CACNA1E: variants seen among roughly 807,000 people sequenced by gnomAD.
The protein encoded by CACNA1E is calcium voltage-gated channel subunit alpha1 E, also known as voltage-dependent R-type calcium channel subunit alpha-1E.
CACNA1E carries 40 observed loss-of-function variants against 259.2 expected under a neutral mutation model. The observed-to-expected ratio is 0.15, with a 90% CI of 0.12 to 0.20. The LOEUF (loss-of-function observed/expected upper bound fraction) is 0.20. Among genes scored for constraint, CACNA1E ranks in the 10% least tolerant of loss-of-function variants. The pLI is 1.00. For synonymous variants in CACNA1E, 1,104 were observed against 1,138.5 expected, an observed-to-expected ratio of 0.97 and a Z score of 0.61; for missense variants, 1,874 against 3,040.1, an observed-to-expected ratio of 0.62 and a Z score of 9.02.
chr1:181,680,105 C>CAAAAA (rs56198008), intron 7 of CACNA1E, among the ~76,000 whole-genome samples: 1 of 78,504 alleles, frequency 1.3e-5, no homozygotes, highest in Non-Finnish European at 2.4e-5. Context: ...GACCTTGTCT[C>CAAAAA]AAAAAAAAAA....
At position 181,651,439 on chromosome 1, in the gene CACNA1E, C is replaced by T. The variant is rs201080304; in HGVS notation, c.1053C>T (p.Ser351=). 6.9e-4 allele frequency: 1,111 copies of T among 1,607,184 alleles called. 4 individuals are homozygous for T. The highest frequency in any genetic ancestry group is 4.8e-3 in the East Asian group (215 of 44,810). The change falls in exon 7 of 48, where the codon TCC becomes TCT. Residue 351 remains serine (S), a splice_region_variant and synonymous_variant. Transcript: ENST00000367573. ...FVLNLVLGVL[S]GEFAKERERV... is the part of the protein sequence containing the mutation. ...TCAACCTAGTCCTGGGAGTGCTTTC[C>T]GGGTGAGCCAGATGTTTCTCTCTTC...
intron 2 of CACNA1E, among the ~76,000 whole-genome samples, chr1:181,473,090 T>C (rs1293533478): frequency 6.6e-6 from 1 of 152,210 alleles, no homozygotes; most frequent in African/African-American, 2.4e-5. Context: ...GTAGGAACAG[T>C]GCTACCCTTT....
intron 20 of CACNA1E, 118 bp from the exon 21 acceptor site, chr1:181,733,319 G>C (rs1042027759): frequency 4.7e-5 from 43 of 913,982 alleles, no homozygotes; most frequent in Non-Finnish European, 6.6e-5. Flanking sequence ...GTGGAAGGCA[G>C]TGGTGGCCTT....
At chr1:181,495,682 C>T (rs1293086754) in intron 1 of CACNA1E, among the ~76,000 whole-genome samples, 1 of 152,218 alleles carries the variant, frequency 6.6e-6, no homozygotes, top group Admixed American at 6.5e-5. Context: ...CATCACCTCC[C>T]TGAGCCTCAG....
chr1:181,416,830 A>G (rs546911538), intron 2 of CACNA1E, among the ~76,000 whole-genome samples: 5 of 152,074 alleles, frequency 3.3e-5, no homozygotes, highest in African/African-American at 1.2e-4. Context: ...ACAAACTCCC[A>G]AGTCACTTGC....
intron 7 of CACNA1E, among the ~76,000 whole-genome samples, chr1:181,682,069 A>T (rs768855907): frequency 6.6e-6 from 1 of 152,198 alleles, no homozygotes; most frequent in Non-Finnish European, 1.5e-5. Flanking sequence ...ATGTGGCCAC[A>T]TCCAATGTTG....
chr1:181,789,502 C>G (rs2102864566), intron 43 of CACNA1E, among the ~76,000 whole-genome samples: 1 of 151,874 alleles, frequency 6.6e-6, no homozygotes, highest in South Asian at 2.1e-4. Context: ...TCCCTCCTAA[C>G]TCCGCCACCA....
At chr1:181,410,551 C>A (rs1398458550) in intron 1 of CACNA1E, among the ~76,000 whole-genome samples, 2 of 152,144 alleles carry the variant, frequency 1.3e-5, no homozygotes, top group Non-Finnish European at 2.9e-5. Flanking sequence ...TCCCATCAGG[C>A]TTTATCATGT....
At chr1:181,363,273 C>G (rs749120498) in intron 1 of CACNA1E, among the ~76,000 whole-genome samples, 5 of 152,244 alleles carry the variant, frequency 3.3e-5, no homozygotes, top group Middle Eastern at 3.4e-3. Flanking sequence ...GAAACAAACC[C>G]GCTTGTGAAT....
At chr1:181,320,813 G>A (rs149819996) in intron 1 of CACNA1E, among the ~76,000 whole-genome samples, 196 of 152,160 alleles carry the variant, frequency 1.3e-3, no homozygotes, top group African/African-American at 4.1e-3. Context: ...TGTTACCCCC[G>A]TTTTTTCTGT....
chr1:181,353,376 G>T (rs1371468651), intron 1 of CACNA1E, among the ~76,000 whole-genome samples: 1 of 152,166 alleles, frequency 6.6e-6, no homozygotes, highest in Non-Finnish European at 1.5e-5. Flanking sequence ...AGTGCAGGGG[G>T]ATCTGAGAAC....
intron 2 of CACNA1E, among the ~76,000 whole-genome samples, chr1:181,424,788 C>T (rs1659036055): frequency 6.6e-6 from 1 of 152,124 alleles, no homozygotes. Flanking sequence ...AGGACTCTCC[C>T]CCAAGACTCT....
At chr1:181,715,199 T>C (rs1653772224) in intron 8 of CACNA1E, 139 bp from the exon 9 acceptor site, 1 of 625,318 alleles carries the variant, frequency 1.6e-6, no homozygotes. Flanking sequence ...GCTTTCTTTC[T>C]GATGCTGGTG....
At chr1:181,684,739 T>C (rs2102284257) in intron 7 of CACNA1E, among the ~76,000 whole-genome samples, 1 of 152,336 alleles carries the variant, frequency 6.6e-6, no homozygotes, top group Non-Finnish European at 1.5e-5. Flanking sequence ...TATGGAGTCT[T>C]TCCCTATTGC....
rs751082929 is a variant in CACNA1E, at chr1:181,641,703, G to GTTTTTT, written c.952-9612_952-9607dup. Among the ~76,000 whole-genome samples the GTTTTTT allele has an allele frequency of 4.4e-3, 353 of 81,106 alleles. 35 individuals carry two copies. Among genetic ancestry groups the GTTTTTT allele is most frequent in the Non-Finnish European group, 5.6e-3 (227 of 40,412 alleles). The allele number at this position is 81,106 out of a possible 152,430, so 53.2% of individuals were successfully genotyped here. A position where few individuals can be genotyped will look rare whatever the true frequency, so the allele number is the denominator to read the frequency against. On this transcript the variant is annotated intron_variant, in intron 6 of 47. Transcript: ENST00000367573. ...GATCATGAGGCAACACTAATTTTTTGTTTTTTTTTTTTTTTTTTTTTTTTT... is the reference window on the plus strand; with the variant it reads ...GATCATGAGGCAACACTAATTTTTTGTTTTTTTTTTTTTTTTTTTTTTTTTTTTTTT...
chr1:181,673,221 T>G (rs1462167836), intron 7 of CACNA1E, among the ~76,000 whole-genome samples: 1 of 47,092 alleles, frequency 2.1e-5, no homozygotes, highest in South Asian at 5.7e-4. Context: ...TGTATATGAG[T>G]ATGTGTGTGT....
At chr1:181,660,054 C>T (rs770194445) in intron 7 of CACNA1E, among the ~76,000 whole-genome samples, 9 of 152,164 alleles carry the variant, frequency 5.9e-5, no homozygotes, top group Non-Finnish European at 7.3e-5. Flanking sequence ...CTGATGTTCA[C>T]GTATACAATG....
chr1:181,573,075 TTTAACTCCTGATC>T (rs1650578967), intron 3 of CACNA1E, among the ~76,000 whole-genome samples: 2 of 152,198 alleles, frequency 1.3e-5, no homozygotes, highest in Admixed American at 1.3e-4. Flanking sequence ...GAGAACTGAC[TTTAACTCCTGATC>T]TTACCATTTA....
At chr1:181,540,176 T>G (rs1365154186) in intron 3 of CACNA1E, among the ~76,000 whole-genome samples, 1 of 152,182 alleles carries the variant, frequency 6.6e-6, no homozygotes, top group Non-Finnish European at 1.5e-5. Context: ...AGATCCCTTG[T>G]GGAATTTATT....
Sources: gnomAD v4.1 joint callset for allele counts (sites outside exome capture counted in the v4.1 genomes callset) on GRCh38, gnomAD v4.1.1 for gene constraint, MANE v1.5 for transcripts, NCBI Gene and HGNC (gene_info 2026-07-23, HGNC 2026-07-21) for gene names.